PEX5L: variants seen among roughly 807,000 people sequenced by gnomAD.
PEX5L encodes the protein PEX5-related protein.
PEX5L carries 30 observed loss-of-function variants against 84.0 expected under a neutral mutation model. The ratio of observed to expected loss-of-function variants is 0.36; its 90% CI spans 0.27 to 0.48. PEX5L has a LOEUF of 0.48. Among genes scored for constraint, PEX5L ranks in the 20% least tolerant of loss-of-function variants. The pLI is 0.99. For missense variants in PEX5L, 533 were observed against 754.6 expected, an observed-to-expected ratio of 0.71 and a Z score of 3.44; for synonymous variants, 270 against 283.1, an observed-to-expected ratio of 0.95 and a Z score of 0.46.
At chr3:179,945,411 G>C (rs924381906) in intron 2 of PEX5L, among the ~76,000 whole-genome samples, 3 of 152,148 alleles carry the variant, frequency 2.0e-5, no homozygotes, top group Admixed American at 2.0e-4. Context: ...ACTTAATACT[G>C]TGTGCCATTA....
intron 8 of PEX5L, among the ~76,000 whole-genome samples, chr3:179,854,833 T>G (rs1743298782): frequency 6.6e-6 from 1 of 152,142 alleles, no homozygotes; most frequent in Non-Finnish European, 1.5e-5. Context: ...GGCTACATTT[T>G]TAAAGTAGAA....
At chr3:179,999,224 G>C (rs1052329449) in intron 1 of PEX5L, among the ~76,000 whole-genome samples, 1 of 152,164 alleles carries the variant, frequency 6.6e-6, no homozygotes, top group Non-Finnish European at 1.5e-5. Flanking sequence ...CTCTCTGAAT[G>C]GTCAAAAACT....
At chr3:179,946,484 T>C (rs916582783) in intron 2 of PEX5L, among the ~76,000 whole-genome samples, 1 of 152,076 alleles carries the variant, frequency 6.6e-6, no homozygotes, top group South Asian at 2.1e-4. Flanking sequence ...AAAAAACATA[T>C]GCGATAGAGA....
intron 8 of PEX5L, among the ~76,000 whole-genome samples, chr3:179,843,875 A>G (rs1738218952): frequency 6.6e-6 from 1 of 152,196 alleles, no homozygotes; most frequent in South Asian, 2.1e-4. Flanking sequence ...ATGAGGTCCC[A>G]TCTTTCCTGA....
chr3:179,892,224 C>T (rs1019990505), intron 3 of PEX5L, among the ~76,000 whole-genome samples: 3 of 152,020 alleles, frequency 2.0e-5, no homozygotes, highest in Non-Finnish European at 2.9e-5. Flanking sequence ...TCTTATTCTC[C>T]CCTTTCCTCT....
Position 180,027,700 on chromosome 3 carries a change from T to C in PEX5L, c.21+8879A>G, listed in dbSNP as rs9843432. ...TATATGAGTTCTGGTCAATAGTGTG[T>C]GCCAAGGGTGTCCTTATAGCAATTT... On this transcript the variant is annotated intron_variant, in intron 1 of 14. Coordinates refer to ENST00000467460, the MANE Select transcript of PEX5L (RefSeq NM_016559.3). Among the ~76,000 whole-genome samples the C allele has an allele frequency of 8.6e-3, 1,312 of 152,328 alleles. 15 individuals are homozygous for C. Among genetic ancestry groups the C allele is most frequent in the African/African-American group, 0.03 (1,251 of 41,574 alleles).
intron 8 of PEX5L, among the ~76,000 whole-genome samples, chr3:179,835,922 A>G (rs559832288): frequency 6.6e-6 from 1 of 152,354 alleles, no homozygotes; most frequent in East Asian, 1.9e-4. Context: ...TATTTCATTT[A>G]GGTATCTGTA....
At chr3:179,969,034 G>A in intron 2 of PEX5L, among the ~76,000 whole-genome samples, 1 of 152,010 alleles carries the variant, frequency 6.6e-6, no homozygotes, top group Non-Finnish European at 1.5e-5. Context: ...AAGCAAGACT[G>A]TAGGCTTTCC....
intron 8 of PEX5L, among the ~76,000 whole-genome samples, chr3:179,851,721 G>A (rs980407240): frequency 6.6e-6 from 1 of 152,182 alleles, no homozygotes; most frequent in African/African-American, 2.4e-5. Flanking sequence ...CATGAAGAGA[G>A]GTCTAGGAGC....
At chr3:179,943,517 T>G (rs1372002350) in intron 2 of PEX5L, among the ~76,000 whole-genome samples, 4 of 152,376 alleles carry the variant, frequency 2.6e-5, no homozygotes, top group East Asian at 3.9e-4. Context: ...CAGAAACTCA[T>G]GTCCAATTAG....
intron 8 of PEX5L, among the ~76,000 whole-genome samples, chr3:179,842,081 A>G (rs766463426): frequency 2.6e-5 from 4 of 152,240 alleles, no homozygotes; most frequent in Admixed American, 1.3e-4. Flanking sequence ...ACAAACTGGA[A>G]TAATTTTGCT....
chr3:179,807,573 C>A (rs1721844517), intron 14 of PEX5L, 101 bp downstream of exon 14: 1 of 1,122,538 alleles, frequency 8.9e-7, no homozygotes. Flanking sequence ...AGGAGGAATA[C>A]TCCTACCAAG....
chr3:179,813,210 C>A (rs1180525187), intron 10 of PEX5L, among the ~76,000 whole-genome samples: 1 of 152,094 alleles, frequency 6.6e-6, no homozygotes, highest in Non-Finnish European at 1.5e-5. Context: ...TTTTCACTGT[C>A]TGCAGTGTTA....
chr3:180,011,981 C>T (rs1298460809), intron 1 of PEX5L, among the ~76,000 whole-genome samples: 1 of 152,210 alleles, frequency 6.6e-6, no homozygotes, highest in Non-Finnish European at 1.5e-5. Context: ...TCCAACTTGG[C>T]AGCTGGTATT....
Position 180,036,792 on chromosome 3 carries a change from C to T in PEX5L, c.-193G>A. The stretch of plus-strand genomic sequence containing the variant: ...GCTGCGGGCTGCCGGGAACTGTTCT[C>T]CGCTCGGGGTGCTGAAAGCGGACGC... On this transcript the variant is annotated 5_prime_UTR_variant, in exon 1 of 15. Transcript: ENST00000467460. The T allele has an allele frequency of 1.6e-6, 1 of 612,754 alleles. No individual in the cohort carries two copies. Among genetic ancestry groups the T allele is most frequent in the East Asian group, 2.7e-5 (1 of 36,992 alleles). The allele number at this position is 612,754 out of a possible 1,614,324, so 38.0% of individuals were successfully genotyped here. A position where few individuals can be genotyped will look rare whatever the true frequency, so the allele number is the denominator to read the frequency against.
At chr3:179,892,226 C>G (rs6798063) in intron 3 of PEX5L, among the ~76,000 whole-genome samples, 3,796 of 152,184 alleles carry the variant, frequency 0.025, 158 homozygotes, top group African/African-American at 0.087. Context: ...TTATTCTCCC[C>G]TTTCCTCTTC....
intron 2 of PEX5L, among the ~76,000 whole-genome samples, chr3:179,940,819 T>C (rs1775884017): frequency 6.6e-6 from 1 of 152,218 alleles, no homozygotes; most frequent in African/African-American, 2.4e-5. Context: ...AACTTACCAT[T>C]TTAGTCCAAA....
chr3:179,885,321 C>T (rs1466592475), intron 4 of PEX5L, among the ~76,000 whole-genome samples: 1 of 152,024 alleles, frequency 6.6e-6, no homozygotes, highest in Non-Finnish European at 1.5e-5. Flanking sequence ...AGGGTGGGCC[C>T]CTACTTTAAT....
intron 1 of PEX5L, among the ~76,000 whole-genome samples, chr3:180,005,997 T>C (rs1215519520): frequency 6.6e-6 from 1 of 152,240 alleles, no homozygotes; most frequent in African/African-American, 2.4e-5. Context: ...TTTTACCATG[T>C]TTATCTTTTA....
Sources: gnomAD v4.1 joint callset for allele counts (sites outside exome capture counted in the v4.1 genomes callset) on GRCh38, gnomAD v4.1.1 for gene constraint, MANE v1.5 for transcripts, NCBI Gene and HGNC (gene_info 2026-07-23, HGNC 2026-07-21) for gene names.